SPTBN2: variants seen among roughly 807,000 people sequenced by gnomAD.
SPTBN2 encodes the protein spectrin beta, non-erythrocytic 2, also known as spectrin beta chain, non-erythrocytic 2.
SPTBN2 carries 107 observed loss-of-function variants against 284.2 expected under a neutral mutation model. That is an observed-to-expected ratio of 0.38 (90% CI 0.32 to 0.44). The LOEUF is 0.44. Ranked by LOEUF, SPTBN2 falls within the 20% of genes least tolerant of loss-of-function variation. SPTBN2 has a pLI of 1.00. For missense variants in SPTBN2, 2,569 were observed against 3,287.1 expected (o/e 0.78, Z 5.34); for synonymous variants, 1,289 against 1,354.8 (o/e 0.95, Z 1.07).
rs530839414 is a variant in SPTBN2, at chr11:66,717,472, C to T, written c.158-1491G>A. 5.3e-5 allele frequency among the ~76,000 whole-genome samples: 8 copies of T among 152,300 alleles called. No individual in the cohort carries two copies. The South Asian group carries it at 1.4e-3, about 28-fold the overall frequency. ...TCCTAAGCACCTCACCCATAAGACA[C>T]AGCAACACACCCACGTCGCTCCGTG... On this transcript the variant is annotated intron_variant, in intron 3 of 37. Transcript: ENST00000533211.
At chr11:66,731,073 A>G (rs1431645877), upstream of SPTBN2, among the ~76,000 whole-genome samples, 1 of 152,236 alleles carries the variant, frequency 6.6e-6, no homozygotes, top group Non-Finnish European at 1.5e-5. Flanking sequence ...CAGTTTCCTT[A>G]CATGTAAAAT....
At position 66,691,196 on chromosome 11, in the gene SPTBN2, G is replaced by A; in HGVS notation, c.5565+88C>T. 1 of 1,466,308 alleles carries A rather than the reference G, an allele frequency of 6.8e-7. No homozygotes were observed. The highest frequency in any genetic ancestry group is 9.1e-7 in the Non-Finnish European group (1 of 1,104,470). 90.8% of individuals were successfully genotyped at this position (1,466,308 alleles called of 1,614,324 possible). A position where few individuals can be genotyped will look rare whatever the true frequency, so the allele number is the denominator to read the frequency against. Reference sequence around the variant, plus strand: ...AGTGCCGTCCTCCCAGCATTTCTGAGCTCTACCCTAGCTCCTGGGAACTCT... The same window carrying A: ...AGTGCCGTCCTCCCAGCATTTCTGAACTCTACCCTAGCTCCTGGGAACTCT... On this transcript the variant is annotated intron_variant, in intron 27 of 37. Coordinates refer to ENST00000533211, the MANE Select transcript of SPTBN2 (RefSeq NM_006946.4). The surrounding 1 kb of genome is among the most constrained non-coding windows in gnomAD (Gnocchi z 8.0).
At chr11:66,705,575 C>G in intron 14 of SPTBN2, 107 bp from the exon 15 acceptor site, 1 of 1,602,000 alleles carries the variant, frequency 6.2e-7, no homozygotes, top group Non-Finnish European at 8.5e-7. Context: ...CAGTCACCAT[C>G]GTTTGGCCAC....
rs145819709 is a variant in SPTBN2 at position 66,687,273 on chromosome 11, G to A, written c.6723-106C>T. ...GTTCTGCTCCCATCTTTAGGCCACG[G>A]TCTTCACACCCTCTGGTCCTCCCCT... On this transcript the variant is annotated intron_variant, in intron 35 of 37. Transcript: ENST00000533211. This position sits in a 1 kb window ranked among gnomAD's most constrained non-coding sequence, Gnocchi z 5.2. The A allele has an allele frequency of 4.3e-3, 6,678 of 1,565,960 alleles. 30 individuals carry two copies. Among genetic ancestry groups the A allele is most frequent in the Non-Finnish European group, 4.8e-3 (5,504 of 1,155,264 alleles).
intron 16 of SPTBN2, 94 bp from the exon 17 acceptor site, chr11:66,701,376 C>T (rs1941238291): frequency 2.6e-6 from 4 of 1,552,578 alleles, no homozygotes; most frequent in Non-Finnish European, 3.5e-6. Context: ...CTCCCCTTCA[C>T]TCCTCCCTTT....
chr11:66,689,969 C>T (rs771710402), intron 28 of SPTBN2, 26 bp from the exon 29 acceptor site: 5 of 1,613,660 alleles, frequency 3.1e-6, no homozygotes, highest in Non-Finnish European at 4.2e-6. Context: ...AACAGCATCA[C>T]CTGCTGCCCA....
intron 31 of SPTBN2, 91 bp downstream of exon 31, chr11:66,688,562 G>A: frequency 6.5e-7 from 1 of 1,543,814 alleles, no homozygotes. Context: ...TGGTGCAGTG[G>A]GAAGAGAGAA....
rs1043388020 is a variant in SPTBN2, at chr11:66,707,143, C to T, written c.1653+373G>A. On this transcript the variant is annotated intron_variant, in intron 13 of 37. Coordinates refer to ENST00000533211, the MANE Select transcript of SPTBN2 (RefSeq NM_006946.4). This position sits in a 1 kb window ranked among gnomAD's most constrained non-coding sequence, Gnocchi z 4.9. ...GCCTGTGCCGGCTGTTCCTTCTGCCCGGAACATTCTCTCCTGAGAGCTCTC... is the reference window on the plus strand; with the variant it reads ...GCCTGTGCCGGCTGTTCCTTCTGCCTGGAACATTCTCTCCTGAGAGCTCTC... 6.6e-6 allele frequency among the ~76,000 whole-genome samples: 1 copy of T among 152,222 alleles called. No homozygotes were observed. Among genetic ancestry groups the T allele is most frequent in the Non-Finnish European group, 1.5e-5 (1 of 68,040 alleles).
Position 66,691,736 on chromosome 11 carries a change from A to C in SPTBN2, c.5191-78T>G. On this transcript the variant is annotated intron_variant, in intron 26 of 37. Coordinates refer to ENST00000533211, the MANE Select transcript of SPTBN2 (RefSeq NM_006946.4). The surrounding 1 kb of genome is among the most constrained non-coding windows in gnomAD (Gnocchi z 8.0). ...CCCTGCCTGATGGAGCGAGTCCTCC[A>C]CTCCAAACTCAGAACCCACCTCTCC... is the stretch of plus-strand genomic sequence containing the variant. 2 of 1,599,658 alleles carry C rather than the reference A, an allele frequency of 1.3e-6. No individual in the cohort carries two copies. Among genetic ancestry groups the C allele is most frequent in the Middle Eastern group, 1.7e-4 (1 of 6,052 alleles).
intron 36 of SPTBN2, 84 bp from the exon 37 acceptor site, chr11:66,686,524 A>T (rs1013899196): frequency 2.7e-6 from 4 of 1,471,756 alleles, no homozygotes; most frequent in Non-Finnish European, 3.8e-6. Flanking sequence ...TCATGACCCA[A>T]CACCAGGCTG....
chr11:66,696,090 G>C (rs543599189), intron 21 of SPTBN2, among the ~76,000 whole-genome samples, 187 bp downstream of exon 21: 43 of 152,150 alleles, frequency 2.8e-4, no homozygotes, highest in Non-Finnish European at 4.7e-4. Flanking sequence ...TAGGGGGTCT[G>C]TCTCCTAACT....
In SPTBN2 at chr11:66,707,956, A is replaced by G. The variant is rs111974265; in HGVS notation, c.1351-138T>C. 28 of 1,377,380 alleles carry G rather than the reference A, an allele frequency of 2.0e-5. No individual in the cohort carries two copies. In the African/African-American group the frequency reaches 3.3e-4, roughly 16 times the overall value. The allele number at this position is 1,377,380 out of a possible 1,614,324, so 85.3% of individuals were successfully genotyped here. A position where few individuals can be genotyped will look rare whatever the true frequency, so the allele number is the denominator to read the frequency against. ...TAAGTTCCCTCTCTATCCCACCCCC[A>G]TCCTGTCTCACCAACCCTCTCTCCT... On this transcript the variant is annotated intron_variant, in intron 12 of 37. Coordinates refer to ENST00000533211, the MANE Select transcript of SPTBN2 (RefSeq NM_006946.4). This position sits in a 1 kb window ranked among gnomAD's most constrained non-coding sequence, Gnocchi z 4.9.
rs2135520731 is a variant in SPTBN2, at chr11:66,715,196, C to T, written c.483+26G>A. On this transcript the variant is annotated intron_variant, in intron 5 of 37. Coordinates refer to ENST00000533211, the MANE Select transcript of SPTBN2 (RefSeq NM_006946.4). This position sits in a 1 kb window ranked among gnomAD's most constrained non-coding sequence, Gnocchi z 5.3. ...GTGCAGAGCCAGGGCAGGAACCACA[C>T]CCTGTGTGACAGTGTGCTGGGGTAC... 1 of 1,614,124 alleles carries T rather than the reference C, an allele frequency of 6.2e-7. No homozygotes were observed. The highest frequency in any genetic ancestry group is 8.5e-7 in the Non-Finnish European group (1 of 1,180,000).
At chr11:66,688,871 G>T (rs1278562190) in intron 30 of SPTBN2, 22 bp from the exon 31 acceptor site, 1 of 1,609,678 alleles carries the variant, frequency 6.2e-7, no homozygotes, top group Non-Finnish European at 8.5e-7. Context: ...GGGGGTTGCA[G>T]GAAGATGGTG....
At chr11:66,699,759 C>T in intron 17 of SPTBN2, 151 bp from the exon 18 acceptor site, 1 of 817,992 alleles carries the variant, frequency 1.2e-6, no homozygotes, top group South Asian at 1.4e-5. Flanking sequence ...AGGCTGCCAG[C>T]CAGCATGGGA....
chr11:66,691,543 C>T lies in SPTBN2; in HGVS notation c.5306G>A (p.Arg1769Gln), dbSNP rs535929661. Residue 1769 changes from arginine (R) to glutamine (Q), a missense_variant, in exon 27 of 38, where the codon CGG becomes CAG. By Grantham distance (43) the Arg-to-Gln change is conservative. This residue lies in a region of SPTBN2 where 1,130 missense variants were observed against 1,317.3 expected (regional missense o/e 0.86). Coordinates refer to ENST00000533211, the MANE Select transcript of SPTBN2 (RefSeq NM_006946.4). The surrounding 1 kb of genome is among the most constrained non-coding windows in gnomAD (Gnocchi z 8.0). ...NGLIAGGHAA[R>Q]ATVAEWKDSL... ...GTCCTTCCACTCGGCCACGGTGGCC[C>T]GTGCAGCATGGCCCCCAGCAATGAG... is the stretch of plus-strand genomic sequence containing the variant. 22 of 1,613,266 alleles carry T rather than the reference C, an allele frequency of 1.4e-5. No homozygotes were observed. Among genetic ancestry groups the T allele is most frequent in the East Asian group, 1.3e-4 (6 of 44,894 alleles).
chr11:66,704,913 T>G lies in SPTBN2; in HGVS notation c.2363A>C (p.Gln788Pro). Reference protein sequence around the residue: ...DEFSTQALARQHRALEEEIRS... With the variant: ...DEFSTQALARPHRALEEEIRS... ...AATCTCCTCCTCCAGGGCCCGATGC[T>G]GCCTGGCTAGAGCCTGCGTGGAGAA... Residue 788 changes from glutamine (Q) to proline (P), a missense_variant, in exon 15 of 38, where the codon CAG becomes CCG. Transcript: ENST00000533211. 6.2e-7 allele frequency: 1 copy of G among 1,611,768 alleles called. No homozygotes were observed. The highest frequency in any genetic ancestry group is 8.5e-7 in the Non-Finnish European group (1 of 1,179,904).
At chr11:66,706,914 G>A (rs940957010) in intron 13 of SPTBN2, among the ~76,000 whole-genome samples, 1 of 152,256 alleles carries the variant, frequency 6.6e-6, no homozygotes, top group African/African-American at 2.4e-5. Context: ...TTACAGGCAT[G>A]AGCCACTGCG....
intron 8 of SPTBN2, among the ~76,000 whole-genome samples, chr11:66,711,689 A>T (rs1375022533): frequency 1.3e-5 from 2 of 152,236 alleles, no homozygotes; most frequent in South Asian, 4.1e-4. Flanking sequence ...CCTAAAGGTA[A>T]GACTATGAGA....
Sources: gnomAD v4.1 joint callset for allele counts (sites outside exome capture counted in the v4.1 genomes callset) on GRCh38, gnomAD v4.1.1 for gene constraint, gnomAD v4.1.1 regional missense constraint, Gnocchi (gnomAD v3.1) non-coding constraint, MANE v1.5 for transcripts, NCBI Gene and HGNC (gene_info 2026-07-23, HGNC 2026-07-21) for gene names.